The following PNLDC1 variants were observed in gnomAD, a reference collection of about 807,000 sequenced individuals.
The protein encoded by PNLDC1 is poly(A)-specific ribonuclease PNLDC1.
PNLDC1 carries 70 observed loss-of-function variants against 82.0 expected under a neutral mutation model. The ratio of observed to expected loss-of-function variants is 0.85; its 90% confidence interval spans 0.70 to 1.04. The LOEUF is 1.04. PNLDC1 is among the 50% of genes least tolerant of loss of function. The probability of loss-of-function intolerance (pLI) is 0.00; values close to 1 mark genes in which losing one functional copy is unlikely to be tolerated. For synonymous variants in PNLDC1, 280 were observed against 249.3 expected, an observed-to-expected ratio of 1.12 and a Z score of -1.16; for missense variants, 631 against 661.1, an observed-to-expected ratio of 0.95 and a Z score of 0.50.
chr6:159,816,927 G>A (rs1005006635), intron 14 of PNLDC1, among the ~76,000 whole-genome samples, 182 bp from the exon 15 acceptor site: 3 of 152,172 alleles, frequency 2.0e-5, no homozygotes, highest in Admixed American at 2.0e-4. Context: ...GGCCTCCCAA[G>A]GTGCTGGGAT....
chr6:159,803,267 C>A lies in PNLDC1; in HGVS notation c.209-4C>A, dbSNP rs1300326323. On this transcript the variant is annotated splice_polypyrimidine_tract_variant and splice_region_variant and intron_variant, in intron 3 of 18. Coordinates refer to ENST00000392167, the MANE Select transcript of PNLDC1 (RefSeq NM_001271862.2). ...ATTCATTCCCTCTACGGTCATTCTT[C>A]CAGGATTGTCTGTGTTTTCCGCTAT... The A allele has an allele frequency of 6.2e-7, 1 of 1,613,892 alleles. No homozygotes were observed. Among genetic ancestry groups the A allele is most frequent in the African/African-American group, 1.3e-5 (1 of 74,920 alleles).
intron 4 of PNLDC1, among the ~76,000 whole-genome samples, 173 bp from the exon 5 acceptor site, chr6:159,803,792 C>T (rs147480118): frequency 0.011 from 1,717 of 152,222 alleles, 19 homozygotes; most frequent in Middle Eastern, 0.078. Context: ...AGGCTCTCTG[C>T]CTTTTTCATT....
chr6:159,801,859 C>T (rs1781270633), intron 3 of PNLDC1, among the ~76,000 whole-genome samples: 1 of 150,916 alleles, frequency 6.6e-6, no homozygotes, highest in Non-Finnish European at 1.5e-5. Flanking sequence ...CTTTCTGTAT[C>T]GGTTCATACA....
rs749253988 is a variant in PNLDC1, at chr6:159,819,253, G to T, written c.1434-1G>T. 2.5e-6 allele frequency: 4 copies of T among 1,613,840 alleles called. No individual in the cohort carries two copies. The highest frequency in any genetic ancestry group is 3.4e-6 in the Non-Finnish European group (4 of 1,179,994). On this transcript the variant is annotated splice_acceptor_variant, in intron 17 of 18. Transcript: ENST00000392167. LOFTEE classifies it high-confidence loss of function. This position sits in a 1 kb window ranked among gnomAD's most constrained non-coding sequence, Gnocchi z 4.6. Reference sequence around the variant, plus strand: ...TGACCACAGCAAACTTGTTTTGGCAGTGCGCGGAACATCCTGAAGGAGTAC... The same window carrying T: ...TGACCACAGCAAACTTGTTTTGGCATTGCGCGGAACATCCTGAAGGAGTAC...
intron 10 of PNLDC1, among the ~76,000 whole-genome samples, chr6:159,810,658 A>G (rs1008149655): frequency 6.6e-6 from 1 of 152,198 alleles, no homozygotes; most frequent in Admixed American, 6.5e-5. Flanking sequence ...CATCCATCCC[A>G]CACTCACTAC....
At position 159,818,555 on chromosome 6, in the gene PNLDC1, C is replaced by T; in HGVS notation, c.1158C>T (p.His386=). Reference sequence around the variant, plus strand: ...GCTTTGGGGTTTTCTGTCCTTGCAGCATCGACCCCGTGCCCGAGTCATCCT... The same window carrying T: ...GCTTTGGGGTTTTCTGTCCTTGCAGTATCGACCCCGTGCCCGAGTCATCCT... The part of the protein sequence containing the change: ...VAHLLLQKIY[H]IDPVPESSFP... The change falls in exon 16 of 19, where the codon CAC becomes CAT. Residue 386 remains histidine (H), a splice_region_variant and synonymous_variant. Transcript: ENST00000392167. 1 of 1,613,448 alleles carries T rather than the reference C, an allele frequency of 6.2e-7. No homozygotes were observed. The highest frequency in any genetic ancestry group is 8.5e-7 in the Non-Finnish European group (1 of 1,179,928).
rs201537216 is a variant in PNLDC1 at position 159,818,671 on chromosome 6, T to C, written c.1257+17T>C. On this transcript the variant is annotated intron_variant, in intron 16 of 18. Coordinates refer to ENST00000392167, the MANE Select transcript of PNLDC1 (RefSeq NM_001271862.2). ...CCAAAGATCGTGAGTAGATCTCATT[T>C]GGCCCCCTCGCCCCATTCAGAGTTC... 194 of 1,605,108 alleles carry C rather than the reference T, an allele frequency of 1.2e-4. No homozygotes were observed. Among genetic ancestry groups the C allele is most frequent in the East Asian group, 3.3e-4 (15 of 44,800 alleles).
chr6:159,800,917 A>T, intron 2 of PNLDC1, 88 bp downstream of exon 2: 1 of 1,592,324 alleles, frequency 6.3e-7, no homozygotes, highest in African/African-American at 1.3e-5. Context: ...TTTGGGGGGC[A>T]GGACGTTTTG....
chr6:159,804,578 T>G lies in PNLDC1; in HGVS notation c.402T>G (p.Asn134Lys), dbSNP rs141659049. ...KFLKNGIPYM[N>K]EEQEKKIRHD... ...TCAAAAACGGAATCCCATATATGAA[T>G]GAAGAACAGGAGAAGAAAATTAGAC... Residue 134 changes from asparagine (N) to lysine (K), a missense_variant, in exon 6 of 19, where the codon AAT becomes AAG. Transcript: ENST00000392167. The G allele has an allele frequency of 2.5e-6, 4 of 1,608,788 alleles. No homozygotes were observed. The African/African-American group carries it at 5.3e-5, about 22-fold the overall frequency.
intron 10 of PNLDC1, among the ~76,000 whole-genome samples, chr6:159,811,437 C>A (rs1781641954): frequency 5.9e-5 from 9 of 152,160 alleles, no homozygotes; most frequent in Admixed American, 5.9e-4. Context: ...TAGAGCTTCG[C>A]AAACTACATT....
Position 159,803,996 on chromosome 6 carries a change from T to C in PNLDC1, c.280T>C (p.Phe94Leu). Reference protein sequence around the residue: ...YIAHSCNFYLFPTTFGILDSE... With the variant: ...YIAHSCNFYLLPTTFGILDSE... ...AGCCCATTCTTGTAACTTCTATCTC[T>C]TCCCTACAACGTTTGGGATTTTGGA... The change falls in exon 5 of 19, where the codon TTC (phenylalanine) becomes CTC (leucine). Residue 94 changes from phenylalanine to leucine, a missense_variant. By Grantham distance (22) the Phe-to-Leu change is conservative (BLOSUM62 0). Transcript: ENST00000392167. 6.2e-7 allele frequency: 1 copy of C among 1,613,010 alleles called. No individual in the cohort carries two copies. Among genetic ancestry groups the C allele is most frequent in the Non-Finnish European group, 8.5e-7 (1 of 1,178,930 alleles).
Position 159,820,582 on chromosome 6 carries a change from G to T in PNLDC1, c.*65G>T, listed in dbSNP as rs2115068986. ...GCTCTCTGGGAGGTGTGCTGGGTGT[G>T]TTCGTGTAAATCAGATTCTGTTTGC... On this transcript the variant is annotated 3_prime_UTR_variant, in exon 19 of 19. Coordinates refer to ENST00000392167, the MANE Select transcript of PNLDC1 (RefSeq NM_001271862.2). 6.1e-6 allele frequency: 9 copies of T among 1,473,044 alleles called. No individual in the cohort carries two copies. In the South Asian group the frequency reaches 9.1e-5, roughly 15 times the overall value. The allele number at this position is 1,473,044 out of a possible 1,614,324, so 91.2% of individuals were successfully genotyped here.
At chr6:159,814,195 C>T (rs948723901) in intron 12 of PNLDC1, among the ~76,000 whole-genome samples, 4 of 152,204 alleles carry the variant, frequency 2.6e-5, no homozygotes, top group Non-Finnish European at 5.9e-5. Context: ...CTCTGCTCTC[C>T]GCAGGGGCAC....
intron 12 of PNLDC1, 129 bp downstream of exon 12, chr6:159,813,785 C>T (rs1781722613): frequency 3.9e-6 from 3 of 767,404 alleles, no homozygotes; most frequent in Admixed American, 2.2e-5. Context: ...TGGTCTCCTC[C>T]AGCTCCTCCT....
At chr6:159,811,422 T>C (rs1781640927) in intron 10 of PNLDC1, among the ~76,000 whole-genome samples, 1 of 152,238 alleles carries the variant, frequency 6.6e-6, no homozygotes, top group African/African-American at 2.4e-5. Flanking sequence ...TCTTATCCCA[T>C]CGGCTAGAGC....
At chr6:159,815,845 G>A in intron 12 of PNLDC1, 124 bp from the exon 13 acceptor site, 1 of 694,956 alleles carries the variant, frequency 1.4e-6, no homozygotes, top group Non-Finnish European at 2.4e-6. Context: ...GCTTAGATTT[G>A]CACCTTAAAG....
At chr6:159,808,541 A>C (rs1045820996) in intron 7 of PNLDC1, among the ~76,000 whole-genome samples, 199 bp from the exon 8 acceptor site, 2 of 151,886 alleles carry the variant, frequency 1.3e-5, no homozygotes, top group African/African-American at 4.8e-5. Flanking sequence ...AAAAAAAAAA[A>C]AAAAAACTCT....
chr6:159,811,975 C>CT (rs1781662552), intron 11 of PNLDC1, among the ~76,000 whole-genome samples, 189 bp downstream of exon 11: 1 of 152,132 alleles, frequency 6.6e-6, no homozygotes, highest in Non-Finnish European at 1.5e-5. Context: ...TCTCAGCTCA[C>CT]TGCAACCTTT....
intron 6 of PNLDC1, chr6:159,805,746 C>G: frequency 2.0e-6 from 1 of 488,332 alleles, no homozygotes; most frequent in South Asian, 2.3e-5. Context: ...CCTAGTGAAG[C>G]AGGAGGGGAT....
Sources: gnomAD v4.1 joint callset for allele counts (sites outside exome capture counted in the v4.1 genomes callset) on GRCh38, gnomAD v4.1.1 for gene constraint, Gnocchi (gnomAD v3.1) non-coding constraint, MANE v1.5 for transcripts, NCBI Gene and HGNC (gene_info 2026-07-23, HGNC 2026-07-21) for gene names.